EYS: variants seen among roughly 807,000 people sequenced by gnomAD.
EYS encodes EGF-like photoreceptor maintenance factor.
In EYS, 250 loss-of-function variants were observed where a neutral mutation model predicts 282.1. The observed-to-expected ratio is 0.89, with a 90% CI of 0.80 to 0.98. EYS has a LOEUF of 0.98. Among genes scored for constraint, EYS ranks in the 50% least tolerant of loss-of-function variants. EYS has a pLI of 0.00. For missense variants in EYS, 4,016 were observed against 3,709.0 expected, an observed-to-expected ratio of 1.08 and a Z score of -2.15; for synonymous variants, 1,355 against 1,282.9, an observed-to-expected ratio of 1.06 and a Z score of -1.20.
intron 2 of EYS, among the ~76,000 whole-genome samples, chr6:65,561,981 C>T (rs1291201096): frequency 1.3e-5 from 2 of 151,244 alleles, no homozygotes; most frequent in Admixed American, 6.6e-5. Context: ...AATTTCTCCA[C>T]CAACTTTTTC....
intron 2 of EYS, among the ~76,000 whole-genome samples, chr6:65,558,549 A>C (rs1265725094): frequency 6.6e-6 from 1 of 152,200 alleles, no homozygotes; most frequent in Non-Finnish European, 1.5e-5. Flanking sequence ...AGCCCCTGCC[A>C]GCTCCACAGA....
intron 14 of EYS, among the ~76,000 whole-genome samples, chr6:64,975,664 A>G (rs571028729): frequency 6.6e-6 from 1 of 151,944 alleles, no homozygotes; most frequent in African/African-American, 2.4e-5. Context: ...ATAGAATCAC[A>G]GGGGCCTTTA....
intron 12 of EYS, among the ~76,000 whole-genome samples, chr6:65,222,257 G>A (rs910420549): frequency 6.6e-6 from 1 of 152,118 alleles, no homozygotes; most frequent in Admixed American, 6.6e-5. Context: ...GCTATGTCCT[G>A]ACCCAAATCT....
At chr6:63,912,792 C>T (rs182376148) in intron 35 of EYS, among the ~76,000 whole-genome samples, 45 of 150,560 alleles carry the variant, frequency 3.0e-4, no homozygotes, top group Non-Finnish European at 1.0e-4. Context: ...CCCGCCCCCC[C>T]GACTTGCTCC....
chr6:64,206,537 A>C (rs1329200299), intron 31 of EYS, among the ~76,000 whole-genome samples: 1 of 152,186 alleles, frequency 6.6e-6, no homozygotes, highest in Non-Finnish European at 1.5e-5. Context: ...CATATTTGCA[A>C]CCTGAGAATT....
intron 36 of EYS, among the ~76,000 whole-genome samples, chr6:63,815,677 A>C (rs1771160429): frequency 6.6e-6 from 1 of 152,240 alleles, no homozygotes; most frequent in African/African-American, 2.4e-5. Flanking sequence ...TTATCAGCAA[A>C]TAAGTTTTAA....
intron 22 of EYS, among the ~76,000 whole-genome samples, chr6:64,760,975 T>A (rs1357954943): frequency 6.6e-6 from 1 of 152,242 alleles, no homozygotes; most frequent in Non-Finnish European, 1.5e-5. Context: ...AGGAGAAGCA[T>A]GTTTTTTGAT....
intron 13 of EYS, among the ~76,000 whole-genome samples, chr6:65,050,653 G>A (rs949048181): frequency 1.3e-5 from 2 of 151,568 alleles, no homozygotes; most frequent in South Asian, 2.1e-4. Flanking sequence ...TATAGCTGTA[G>A]ATTGAGTAGA....
chr6:65,432,867 T>A (rs906552019), intron 5 of EYS, among the ~76,000 whole-genome samples: 4 of 151,994 alleles, frequency 2.6e-5, no homozygotes, highest in Admixed American at 1.3e-4. Context: ...AACAAACTTT[T>A]CTGAGGGATT....
Position 65,296,265 on chromosome 6 carries a change from A to T in EYS, c.1767-146T>A, listed in dbSNP as rs756790959. ...GGGTGCATTTAAAAAATATTTTCAT[A>T]AAGTGTCCATTCTTGGCAAAATTAC... On this transcript the variant is annotated intron_variant, in intron 11 of 42. Transcript: ENST00000503581. 1.4e-4 allele frequency: 126 copies of T among 902,218 alleles called. 1 individual carries two copies. The highest frequency in any genetic ancestry group is 1.1e-3 in the Admixed American group (32 of 28,970). 55.9% of individuals were successfully genotyped at this position (902,218 alleles called of 1,614,324 possible).
chr6:65,477,958 AATG>A (rs1765469856), intron 5 of EYS, among the ~76,000 whole-genome samples: 2 of 152,168 alleles, frequency 1.3e-5, no homozygotes, highest in South Asian at 2.1e-4. Context: ...GTCAGAAGAG[AATG>A]ATAATACTTT....
rs1050556768 is a variant in EYS at position 65,495,312 on chromosome 6, A to T, written c.99T>A (p.His33Gln). The change falls in exon 4 of 43, where the codon CAT becomes CAA. Residue 33 changes from histidine (H) to glutamine (Q), a missense_variant. By Grantham distance (24) the His-to-Gln change is conservative (BLOSUM62 0). Coordinates refer to ENST00000503581, the MANE Select transcript of EYS (RefSeq NM_001142800.2). ...TCRRQLVEEW[H>Q]PQPSSYVVNW... The stretch of plus-strand genomic sequence containing the variant: ...TTACCACATATGATGAGGGTTGTGG[A>T]TGCCATTCTTCCACCAATTGCCGTC... 1.9e-6 allele frequency: 3 copies of T among 1,613,970 alleles called. No individual in the cohort carries two copies. The African/African-American group carries it at 4.0e-5, about 22-fold the overall frequency.
chr6:64,095,444 T>C (rs1170240829), intron 31 of EYS, among the ~76,000 whole-genome samples: 1 of 152,156 alleles, frequency 6.6e-6, no homozygotes, highest in Non-Finnish European at 1.5e-5. Flanking sequence ...GCTCCTGTAT[T>C]GGGTGCATAT....
At chr6:64,041,266 G>GA (rs998030234) in intron 33 of EYS, among the ~76,000 whole-genome samples, 2 of 151,842 alleles carry the variant, frequency 1.3e-5, no homozygotes, top group African/African-American at 2.4e-5. Context: ...TAGTGTGTAT[G>GA]AAAAAAACAA....
chr6:64,634,454 C>G (rs1422297835), intron 22 of EYS, among the ~76,000 whole-genome samples: 1 of 151,716 alleles, frequency 6.6e-6, no homozygotes, highest in African/African-American at 2.4e-5. Context: ...TCCCTACTAG[C>G]CATGGATAGC....
At chr6:65,148,064 G>A (rs1044954291) in intron 12 of EYS, among the ~76,000 whole-genome samples, 5 of 152,036 alleles carry the variant, frequency 3.3e-5, no homozygotes, top group Admixed American at 1.3e-4. Flanking sequence ...AGATTCGGGT[G>A]AGCGCATAGG....
At chr6:63,953,071 A>T (rs1433951759) in intron 35 of EYS, among the ~76,000 whole-genome samples, 1 of 152,130 alleles carries the variant, frequency 6.6e-6, no homozygotes, top group East Asian at 1.9e-4. Flanking sequence ...CCCAACCCAT[A>T]CACTATTTTG....
At chr6:65,620,582 T>G (rs1766436262) in intron 2 of EYS, among the ~76,000 whole-genome samples, 1 of 150,968 alleles carries the variant, frequency 6.6e-6, no homozygotes, top group African/African-American at 2.4e-5. Context: ...AGTTATTTCT[T>G]GCCTTCTGCT....
At chr6:64,168,797 G>T (rs1764382602) in intron 31 of EYS, among the ~76,000 whole-genome samples, 1 of 152,058 alleles carries the variant, frequency 6.6e-6, no homozygotes, top group South Asian at 2.1e-4. Flanking sequence ...TGGGGGTGAT[G>T]GAAATGTTCT....
Sources: allele counts gnomAD v4.1 joint callset (sites outside exome capture counted in the v4.1 genomes callset), GRCh38; gene constraint gnomAD v4.1.1; transcripts MANE v1.5; gene names NCBI Gene and HGNC (gene_info 2026-07-23, HGNC 2026-07-21).